BMP7: variants seen among roughly 807,000 people sequenced by gnomAD.
The protein encoded by BMP7 is osteogenic protein 1.
A neutral mutation model predicts 41.2 loss-of-function variants in BMP7; 12 were observed. The observed-to-expected ratio is 0.29, with a 90% CI of 0.19 to 0.47. The LOEUF (loss-of-function observed/expected upper bound fraction) is 0.47. Among genes scored for constraint, BMP7 ranks in the 20% least tolerant of loss-of-function variants. The pLI is 0.99. For missense variants in BMP7, 467 were observed against 606.0 expected (o/e 0.77, Z 2.41); for synonymous variants, 248 against 250.0 (o/e 0.99, Z 0.07).
At chr20:57,208,610 G>T (rs1984799118) in intron 2 of BMP7, among the ~76,000 whole-genome samples, 1 of 152,154 alleles carries the variant, frequency 6.6e-6, no homozygotes, top group Non-Finnish European at 1.5e-5. Context: ...TAAAATACAT[G>T]TCCACCCAAA....
intron 1 of BMP7, among the ~76,000 whole-genome samples, chr20:57,230,811 G>A (rs1224964355): frequency 1.3e-5 from 2 of 151,664 alleles, no homozygotes; most frequent in African/African-American, 4.9e-5. Flanking sequence ...CAAGTGGCTG[G>A]GACTACAGGC....
At chr20:57,187,990 A>G (rs543785940) in intron 3 of BMP7, among the ~76,000 whole-genome samples, 15 of 152,346 alleles carry the variant, frequency 9.8e-5, no homozygotes, top group African/African-American at 3.6e-4. Flanking sequence ...GCAGACACTT[A>G]TTCACCTTCA....
intron 4 of BMP7, among the ~76,000 whole-genome samples, chr20:57,176,689 T>A (rs1204239955): frequency 1.3e-5 from 2 of 151,840 alleles, no homozygotes; most frequent in Non-Finnish European, 2.9e-5. Flanking sequence ...CAGTTTCATA[T>A]TTTCTTCTTC....
chr20:57,252,803 G>T (rs2066119208), intron 1 of BMP7, among the ~76,000 whole-genome samples: 1 of 152,170 alleles, frequency 6.6e-6, no homozygotes. Context: ...GCTCCCAGAT[G>T]AATTCCCAAG....
chr20:57,245,689 A>T (rs184299326), intron 1 of BMP7, among the ~76,000 whole-genome samples: 2 of 133,064 alleles, frequency 1.5e-5, no homozygotes, highest in East Asian at 2.2e-4. Context: ...CCCAGGCTGG[A>T]GTGCAGTGGC....
intron 2 of BMP7, among the ~76,000 whole-genome samples, chr20:57,205,842 C>T (rs6070027): frequency 0.43 from 64,913 of 152,038 alleles, 14,648 homozygotes; most frequent in East Asian, 0.75. Context: ...AACGTGAATG[C>T]GTCAACTCCC....
chr20:57,204,842 C>G (rs1984696083), intron 2 of BMP7, among the ~76,000 whole-genome samples: 1 of 152,186 alleles, frequency 6.6e-6, no homozygotes. Context: ...TCTGTTATTG[C>G]TGTGGTTTCA....
chr20:57,207,240 C>A lies in BMP7; in HGVS notation c.612-4617G>T, dbSNP rs1468464501. Among the ~76,000 whole-genome samples, 3 of 152,132 alleles carry A rather than the reference C, an allele frequency of 2.0e-5. No homozygotes were observed. In the South Asian group the frequency reaches 6.2e-4, roughly 32 times the overall value. On this transcript the variant is annotated intron_variant, in intron 2 of 6. Transcript: ENST00000395863. ...TGACTACACTGCTGAAGGAAGAGAC[C>A]ACATGGAGGGGAAGGAGGCACAGGT...
At chr20:57,223,149 G>T (rs1422639988) in intron 2 of BMP7, among the ~76,000 whole-genome samples, 1 of 151,646 alleles carries the variant, frequency 6.6e-6, no homozygotes, top group Non-Finnish European at 1.5e-5. Context: ...AGAATCACTT[G>T]AACTTGAGAG....
intron 1 of BMP7, among the ~76,000 whole-genome samples, chr20:57,231,404 T>C (rs1464934739): frequency 1.3e-5 from 2 of 152,230 alleles, no homozygotes; most frequent in African/African-American, 4.8e-5. Flanking sequence ...AGTGGCATTG[T>C]GCATTGCAGC....
intron 2 of BMP7, among the ~76,000 whole-genome samples, chr20:57,219,704 A>T (rs1339794017): frequency 6.6e-6 from 1 of 152,182 alleles, no homozygotes; most frequent in East Asian, 1.9e-4. Context: ...TGAGGGTGCA[A>T]CTTTGTCTCC....
At chr20:57,211,540 A>G (rs75365357) in intron 2 of BMP7, among the ~76,000 whole-genome samples, 18 of 145,904 alleles carry the variant, frequency 1.2e-4, no homozygotes, top group African/African-American at 5.1e-4. Flanking sequence ...CCCTGATCCC[A>G]GAAGCTGTGG....
intron 1 of BMP7, among the ~76,000 whole-genome samples, chr20:57,230,407 C>A (rs979651247): frequency 6.6e-6 from 1 of 152,058 alleles, no homozygotes; most frequent in Non-Finnish European, 1.5e-5. Flanking sequence ...GTGGGACTGC[C>A]CCCGGCCAGT....
chr20:57,206,061 T>C (rs1984722881), intron 2 of BMP7, among the ~76,000 whole-genome samples: 3 of 152,338 alleles, frequency 2.0e-5, no homozygotes, highest in African/African-American at 4.8e-5. Context: ...AGGTCCAGTC[T>C]GACAGCTCGG....
At chr20:57,264,424 T>C (rs1453544509) in intron 1 of BMP7, among the ~76,000 whole-genome samples, 1 of 152,218 alleles carries the variant, frequency 6.6e-6, no homozygotes, top group Non-Finnish European at 1.5e-5. Flanking sequence ...GGGTGTGTTA[T>C]CTCGGAAACC....
chr20:57,247,448 G>A (rs930614536), intron 1 of BMP7, among the ~76,000 whole-genome samples: 4 of 152,132 alleles, frequency 2.6e-5, no homozygotes, highest in Admixed American at 6.6e-5. Context: ...AGAGAGTTCC[G>A]TTTGCTCAGC....
At chr20:57,227,106 C>T (rs1380328066) in intron 2 of BMP7, among the ~76,000 whole-genome samples, 5 of 152,140 alleles carry the variant, frequency 3.3e-5, no homozygotes, top group Non-Finnish European at 7.3e-5. Context: ...GGATTACAGG[C>T]GTGAGCTACC....
intron 1 of BMP7, among the ~76,000 whole-genome samples, chr20:57,241,428 C>G (rs1322511517): frequency 6.6e-6 from 1 of 152,194 alleles, no homozygotes; most frequent in African/African-American, 2.4e-5. Flanking sequence ...GTAGCATTCA[C>G]CCATCTCCTC....
chr20:57,173,479 G>A (rs1028455237), intron 5 of BMP7, 169 bp from the exon 6 acceptor site: 9 of 700,664 alleles, frequency 1.3e-5, no homozygotes, highest in Middle Eastern at 3.6e-4. Context: ...AACATGGGTG[G>A]CCTCTCATGG....
Sources: gnomAD v4.1 joint callset for allele counts (sites outside exome capture counted in the v4.1 genomes callset) on GRCh38, gnomAD v4.1.1 for gene constraint, MANE v1.5 for transcripts, NCBI Gene and HGNC (gene_info 2026-07-23, HGNC 2026-07-21) for gene names.